KIF5C: variants seen among roughly 807,000 people sequenced by gnomAD.
The protein encoded by KIF5C is kinesin heavy chain isoform 5C.
KIF5C carries 18 observed loss-of-function variants against 125.2 expected under a neutral mutation model. The observed-to-expected ratio is 0.14, with a 90% CI of 0.10 to 0.21. The LOEUF (loss-of-function observed/expected upper bound fraction) is 0.21, where lower values mean the gene tolerates loss of function less well. Ranked by LOEUF, KIF5C falls within the 10% of genes least tolerant of loss-of-function variation. The pLI is 1.00. For missense variants in KIF5C, 780 were observed against 1,183.8 expected (o/e 0.66, Z 5.01); for synonymous variants, 405 against 434.0 (o/e 0.93, Z 0.83).
chr2:148,975,069 T>C (rs1681025318), intron 12 of KIF5C, among the ~76,000 whole-genome samples: 1 of 152,212 alleles, frequency 6.6e-6, no homozygotes, highest in South Asian at 2.1e-4. Flanking sequence ...CCTAGGCCAT[T>C]TTGTTATGTC....
intron 4 of KIF5C, 146 bp from the exon 5 acceptor site, chr2:148,941,464 G>C: frequency 9.0e-7 from 1 of 1,116,448 alleles, no homozygotes; most frequent in Non-Finnish European, 1.3e-6. Flanking sequence ...TCCCAGTAGA[G>C]CTGGCCAGAT....
intron 17 of KIF5C, among the ~76,000 whole-genome samples, chr2:148,996,597 G>A (rs142373244): frequency 1.1e-4 from 16 of 152,302 alleles, no homozygotes; most frequent in African/African-American, 3.8e-4. Context: ...CCCCAGCTGG[G>A]GCTGCCCATT....
chr2:148,994,841 A>G (rs551328895), intron 17 of KIF5C, among the ~76,000 whole-genome samples: 1 of 152,104 alleles, frequency 6.6e-6, no homozygotes, highest in East Asian at 1.9e-4. Context: ...AGCTGGGACT[A>G]TAGATGCGTG....
chr2:148,978,892 C>A, intron 12 of KIF5C, 30 bp from the exon 13 acceptor site: 1 of 1,567,174 alleles, frequency 6.4e-7, no homozygotes, highest in Non-Finnish European at 8.6e-7. Context: ...CATAACTAAC[C>A]AAAAAAACAA....
intron 1 of KIF5C, among the ~76,000 whole-genome samples, chr2:148,900,603 A>G (rs932778126): frequency 1.3e-5 from 2 of 152,190 alleles, no homozygotes; most frequent in African/African-American, 4.8e-5. Flanking sequence ...CTTTAATTGT[A>G]AAATGAAGTT....
intron 2 of KIF5C, among the ~76,000 whole-genome samples, chr2:148,922,636 T>C (rs919866997): frequency 8.5e-5 from 13 of 152,220 alleles, no homozygotes; most frequent in African/African-American, 3.1e-4. Flanking sequence ...TGTGTCTGTC[T>C]CCCTTTTACT....
rs1383648370 is a variant in KIF5C, at chr2:148,961,992, A to G, written c.990A>G (p.Thr330=). ...CCAGAGCTAAGACCATCAAGAATAC[A>G]GTCTCTGTGAACCTAGAACTGACAG... ...FGQRAKTIKN[T]VSVNLELTAE... Residue 330 remains threonine, a synonymous_variant, in exon 11 of 26, where the codon ACA becomes ACG. Transcript: ENST00000435030. 6.2e-7 allele frequency: 1 copy of G among 1,613,740 alleles called. No homozygotes were observed. The highest frequency in any genetic ancestry group is 8.5e-7 in the Non-Finnish European group (1 of 1,179,826).
chr2:149,010,483 G>A (rs965372033), intron 24 of KIF5C, 132 bp downstream of exon 24: 70 of 1,418,546 alleles, frequency 4.9e-5, no homozygotes, highest in Middle Eastern at 2.6e-4. Context: ...CCCGCAGGAC[G>A]CAGCCCTCAC....
intron 23 of KIF5C, among the ~76,000 whole-genome samples, chr2:149,009,781 A>G (rs1422248994): frequency 2.0e-5 from 3 of 152,182 alleles, no homozygotes; most frequent in Non-Finnish European, 2.9e-5. Context: ...CAGCTTTCTC[A>G]TGCTAATTTA....
rs1682409796 is a variant in KIF5C at position 148,941,674 on chromosome 2, G to A, written c.445+16G>A. On this transcript the variant is annotated intron_variant, in intron 5 of 25. Transcript: ENST00000435030. ...TTACTTGATGGTAAGTAACCTCAGT[G>A]CTTGTCCTTTATTTGTTCTGTAACG... The A allele has an allele frequency of 6.4e-7, 1 of 1,555,974 alleles. No individual in the cohort carries two copies. The highest frequency in any genetic ancestry group is 1.4e-5 in the African/African-American group (1 of 73,508).
chr2:148,909,968 T>C (rs1279177888), intron 1 of KIF5C, among the ~76,000 whole-genome samples: 1 of 152,192 alleles, frequency 6.6e-6, no homozygotes, highest in African/African-American at 2.4e-5. Context: ...AGCACTGCTG[T>C]GGAGATTCAT....
chr2:148,987,139 G>A (rs552355183), intron 15 of KIF5C, among the ~76,000 whole-genome samples: 1 of 152,292 alleles, frequency 6.6e-6, no homozygotes, highest in East Asian at 1.9e-4. Flanking sequence ...GAATGACAGG[G>A]ACTTATGTTT....
chr2:148,944,544 A>G lies in KIF5C; in HGVS notation c.589+1784A>G, dbSNP rs546272701. ...ATTTAAAAAATTCGTTTAACCATTAATGGACGCTTGGGTGGCTTCCACATT... is the reference window on the plus strand; with the variant it reads ...ATTTAAAAAATTCGTTTAACCATTAGTGGACGCTTGGGTGGCTTCCACATT... On this transcript the variant is annotated intron_variant, in intron 7 of 25. Coordinates refer to ENST00000435030, the MANE Select transcript of KIF5C (RefSeq NM_004522.3). 5.9e-5 allele frequency among the ~76,000 whole-genome samples: 9 copies of G among 152,322 alleles called. No individual in the cohort carries two copies. The South Asian group carries it at 6.2e-4, about 11-fold the overall frequency.
intron 25 of KIF5C, among the ~76,000 whole-genome samples, chr2:149,019,552 A>G (rs932574860): frequency 6.6e-6 from 1 of 152,188 alleles, no homozygotes; most frequent in Admixed American, 6.6e-5. Flanking sequence ...AGGCTCCTCC[A>G]CTTTAATACT....
intron 4 of KIF5C, among the ~76,000 whole-genome samples, chr2:148,938,938 C>CA (rs1252656134): frequency 6.6e-6 from 1 of 150,384 alleles, no homozygotes; most frequent in Non-Finnish European, 1.5e-5. Context: ...AAAAAAAATA[C>CA]AAAAAAAGTA....
chr2:148,966,237 C>T (rs549013463), intron 11 of KIF5C, among the ~76,000 whole-genome samples: 1 of 152,206 alleles, frequency 6.6e-6, no homozygotes, highest in South Asian at 2.1e-4. Flanking sequence ...TGTGCAGTCT[C>T]CTGGGAAAAA....
Position 148,983,753 on chromosome 2 carries a change from A to T in KIF5C, c.1703A>T (p.Asn568Ile). Reference sequence around the variant, plus strand: ...GAGATAGGTGGAATTATTGGCACCAATGATGTGAAAACTGTAAGCCAGCCC... The same window carrying T: ...GAGATAGGTGGAATTATTGGCACCATTGATGTGAAAACTGTAAGCCAGCCC... ...LGEIGGIIGTNDVKTLADVNG... is the reference protein window; with the variant it reads ...LGEIGGIIGTIDVKTLADVNG... Residue 568 changes from asparagine to isoleucine, a missense_variant, in exon 15 of 26, where the codon AAT (asparagine) becomes ATT (isoleucine). Asn to Ile is a moderately radical substitution (Grantham distance 149). Around this residue, in one of 2 missense-constraint regions of KIF5C, gnomAD observed 573 missense variants for 742.6 expected, o/e 0.77. Coordinates refer to ENST00000435030, the MANE Select transcript of KIF5C (RefSeq NM_004522.3). 6.2e-7 allele frequency: 1 copy of T among 1,607,396 alleles called. No individual in the cohort carries two copies. Among genetic ancestry groups the T allele is most frequent in the Non-Finnish European group, 8.5e-7 (1 of 1,176,416 alleles).
chr2:149,002,018 A>G (rs903015519), intron 21 of KIF5C, among the ~76,000 whole-genome samples: 2 of 152,232 alleles, frequency 1.3e-5, no homozygotes, highest in African/African-American at 4.8e-5. Flanking sequence ...CCTGTGTCCA[A>G]AGGGAGCTGG....
chr2:148,896,410 A>G (rs184596274), intron 1 of KIF5C, among the ~76,000 whole-genome samples: 2 of 152,310 alleles, frequency 1.3e-5, no homozygotes, highest in East Asian at 3.9e-4. Flanking sequence ...AGATGCTTGG[A>G]TATCCAGCTG....
Sources: gnomAD v4.1 joint callset for allele counts (sites outside exome capture counted in the v4.1 genomes callset) on GRCh38, gnomAD v4.1.1 for gene constraint, gnomAD v4.1.1 regional missense constraint, MANE v1.5 for transcripts, NCBI Gene and HGNC (gene_info 2026-07-23, HGNC 2026-07-21) for gene names.